Variants in RASSF8 observed in about 807,000 individuals in gnomAD.
The protein encoded by RASSF8 is ras association domain-containing protein 8.
A neutral mutation model predicts 48.5 loss-of-function variants in RASSF8; 22 were observed. The ratio of observed to expected loss-of-function variants is 0.45; its 90% CI spans 0.32 to 0.65. RASSF8 has a LOEUF of 0.65. Among genes scored for constraint, RASSF8 ranks in the 30% least tolerant of loss-of-function variants. The pLI is 0.03. For missense variants in RASSF8, 418 were observed against 489.2 expected (o/e 0.85, Z 1.37); for synonymous variants, 127 against 171.5 (o/e 0.74, Z 2.03).
At chr12:25,985,541 G>A (rs370040813) in intron 1 of RASSF8, among the ~76,000 whole-genome samples, 2 of 152,246 alleles carry the variant, frequency 1.3e-5, no homozygotes, top group East Asian at 3.9e-4. Flanking sequence ...TAGGCAGATG[G>A]CAGCATTTGT....
At chr12:26,004,135 C>A (rs1176397304) in intron 2 of RASSF8, among the ~76,000 whole-genome samples, 1 of 152,124 alleles carries the variant, frequency 6.6e-6, no homozygotes, top group African/African-American at 2.4e-5. Context: ...TGTGATTGTG[C>A]CACTGCACTC....
intron 2 of RASSF8, among the ~76,000 whole-genome samples, chr12:26,028,765 C>T (rs1565626664): frequency 6.6e-6 from 1 of 151,926 alleles, no homozygotes; most frequent in African/African-American, 2.4e-5. Context: ...AATTAAAGGT[C>T]TCTTTATTAT....
chr12:26,016,350 A>T (rs1305190043), intron 2 of RASSF8, among the ~76,000 whole-genome samples: 1 of 152,098 alleles, frequency 6.6e-6, no homozygotes, highest in African/African-American at 2.4e-5. Flanking sequence ...CCTTTAAATA[A>T]AGAGTTAGCT....
intron 1 of RASSF8, among the ~76,000 whole-genome samples, chr12:25,961,162 AT>A (rs138447800): frequency 0.064 from 9,763 of 152,236 alleles, 416 homozygotes; most frequent in Non-Finnish European, 0.09. Flanking sequence ...TTTCTGACTC[AT>A]TAATTGATCT....
intron 1 of RASSF8, among the ~76,000 whole-genome samples, chr12:25,980,650 G>A (rs189613261): frequency 1.4e-4 from 22 of 152,258 alleles, no homozygotes; most frequent in African/African-American, 5.1e-4. Flanking sequence ...TGGGAGTGGG[G>A]TGGGGGTAGT....
intron 2 of RASSF8, among the ~76,000 whole-genome samples, chr12:26,033,579 A>G (rs1943071911): frequency 6.6e-6 from 1 of 152,132 alleles, no homozygotes; most frequent in Non-Finnish European, 1.5e-5. Context: ...AAAGGAAATA[A>G]GTTCTGCAAA....
At chr12:25,991,684 T>C (rs1276376545) in intron 1 of RASSF8, among the ~76,000 whole-genome samples, 1 of 152,198 alleles carries the variant, frequency 6.6e-6, no homozygotes, top group Non-Finnish European at 1.5e-5. Flanking sequence ...CTTGAATGTC[T>C]GGCTTATATC....
intron 2 of RASSF8, among the ~76,000 whole-genome samples, chr12:26,015,351 A>T (rs1410947559): frequency 6.6e-6 from 1 of 152,232 alleles, no homozygotes; most frequent in African/African-American, 2.4e-5. Context: ...GCCAAAGACC[A>T]CAAAAAACTG....
intron 4 of RASSF8, 61 bp downstream of exon 4, chr12:26,065,448 TC>T: frequency 6.7e-7 from 1 of 1,487,874 alleles, no homozygotes; most frequent in East Asian, 2.3e-5. Context: ...TCTTGGAATC[TC>T]CTTTTCATCA....
intron 2 of RASSF8, among the ~76,000 whole-genome samples, chr12:26,053,783 A>G (rs55780967): frequency 0.03 from 4,586 of 152,286 alleles, 223 homozygotes; most frequent in African/African-American, 0.11. Flanking sequence ...GCAGAGAGCT[A>G]AAGCAAAGTG....
chr12:25,992,849 G>A (rs1193803508), intron 1 of RASSF8, among the ~76,000 whole-genome samples: 2 of 152,186 alleles, frequency 1.3e-5, no homozygotes, highest in African/African-American at 2.4e-5. Context: ...GCTCATGTTT[G>A]TATTTATGGT....
At chr12:25,983,750 C>T (rs1241389774) in intron 1 of RASSF8, among the ~76,000 whole-genome samples, 1 of 152,050 alleles carries the variant, frequency 6.6e-6, no homozygotes, top group Non-Finnish European at 1.5e-5. Context: ...AAGCATAAGG[C>T]ATTTTTTATC....
At chr12:25,982,028 C>T (rs1592229559) in intron 1 of RASSF8, among the ~76,000 whole-genome samples, 1 of 152,092 alleles carries the variant, frequency 6.6e-6, no homozygotes, top group African/African-American at 2.4e-5. Flanking sequence ...TTCAGACAAA[C>T]GTTTTTGGGG....
intron 1 of RASSF8, among the ~76,000 whole-genome samples, chr12:25,990,675 G>C (rs1216383971): frequency 3.3e-5 from 5 of 152,166 alleles, no homozygotes; most frequent in South Asian, 4.1e-4. Context: ...ATTTGGAGAT[G>C]TAAGTCTTTG....
intron 3 of RASSF8, among the ~76,000 whole-genome samples, chr12:26,062,864 G>A (rs7295585): frequency 0.4 from 61,006 of 151,914 alleles, 13,109 homozygotes; most frequent in Non-Finnish European, 0.49. Context: ...TCTGCGAAGC[G>A]TTTTAGAAGG....
intron 2 of RASSF8, among the ~76,000 whole-genome samples, chr12:26,046,301 T>C (rs995462213): frequency 2.6e-5 from 4 of 152,214 alleles, no homozygotes; most frequent in African/African-American, 9.6e-5. Flanking sequence ...CTTGCAAACT[T>C]TGCTAATAAC....
chr12:26,010,997 A>C (rs1235842816), intron 2 of RASSF8, among the ~76,000 whole-genome samples: 1 of 152,134 alleles, frequency 6.6e-6, no homozygotes, highest in Non-Finnish European at 1.5e-5. Flanking sequence ...TGGAATCCAA[A>C]AGTGATAGAT....
At chr12:26,067,804 G>A (rs966863416) in intron 5 of RASSF8, 91 bp downstream of exon 5, 45 of 1,509,328 alleles carry the variant, frequency 3.0e-5, no homozygotes, top group Admixed American at 5.4e-5. Flanking sequence ...TCACTGTATC[G>A]CCCAGGCTGG....
At chr12:26,076,763 C>G (rs1944076258), downstream of RASSF8, among the ~76,000 whole-genome samples, 2 of 152,146 alleles carry the variant, frequency 1.3e-5, no homozygotes, top group African/African-American at 4.8e-5. Context: ...GATTTATAAT[C>G]CTTTGGGTAT....
Sources: allele counts gnomAD v4.1 joint callset (sites outside exome capture counted in the v4.1 genomes callset), GRCh38; gene constraint gnomAD v4.1.1; transcripts MANE v1.5; gene names NCBI Gene and HGNC (gene_info 2026-07-23, HGNC 2026-07-21).